SLC24A2: variants seen among roughly 807,000 people sequenced by gnomAD.
The protein encoded by SLC24A2 is sodium/potassium/calcium exchanger 2.
In SLC24A2, 36 loss-of-function variants were observed where a neutral mutation model predicts 62.0. The ratio of observed to expected loss-of-function variants is 0.58; its 90% CI spans 0.44 to 0.77. The LOEUF is 0.77. Ranked by LOEUF, SLC24A2 falls within the 30% of genes least tolerant of loss-of-function variation. SLC24A2 has a pLI of 0.00. For synonymous variants in SLC24A2, 358 were observed against 294.0 expected (o/e 1.22, Z -2.23); for missense variants, 846 against 817.9 (o/e 1.03, Z -0.42).
intron 1 of SLC24A2, among the ~76,000 whole-genome samples, chr9:19,787,588 A>G (rs1204247198): frequency 1.3e-5 from 2 of 152,178 alleles, no homozygotes; most frequent in Non-Finnish European, 2.9e-5. Context: ...ATGATATCAG[A>G]TCTTATTTTT....
chr9:20,222,513 A>G, the SLC24A2 span, among the ~76,000 whole-genome samples: 1 of 152,110 alleles, frequency 6.6e-6, no homozygotes, highest in East Asian at 1.9e-4. Flanking sequence ...AACTAATTTT[A>G]TATCAATGTT....
intron 2 of SLC24A2, among the ~76,000 whole-genome samples, chr9:19,726,413 T>C (rs1174488719): frequency 6.6e-6 from 1 of 152,218 alleles, no homozygotes; most frequent in Non-Finnish European, 1.5e-5. Context: ...TTTATGTTGA[T>C]TTTGTTTGTT....
At chr9:19,796,649 T>C in the SLC24A2 span, among the ~76,000 whole-genome samples, 2 of 152,256 alleles carry the variant, frequency 1.3e-5, no homozygotes, top group Non-Finnish European at 2.9e-5. Flanking sequence ...AAAATCTAGG[T>C]TAGAAATCAT....
the SLC24A2 span, among the ~76,000 whole-genome samples, chr9:19,872,050 T>C: frequency 5.9e-5 from 9 of 152,064 alleles, no homozygotes; most frequent in Non-Finnish European, 1.0e-4. Context: ...AGTAACTAGA[T>C]GGGGCCCAAA....
chr9:20,171,321 T>C, the SLC24A2 span, among the ~76,000 whole-genome samples: 3 of 151,550 alleles, frequency 2.0e-5, 1 homozygote, highest in Middle Eastern at 0.01. Flanking sequence ...AAACAAGGTA[T>C]ACAGGCAACA....
the SLC24A2 span, among the ~76,000 whole-genome samples, chr9:20,061,551 T>C: frequency 6.6e-6 from 1 of 152,262 alleles, no homozygotes; most frequent in African/African-American, 2.4e-5. Flanking sequence ...CCTCCCAAAG[T>C]GCTAGGATTA....
At chr9:19,580,513 G>T (rs181542404) in intron 5 of SLC24A2, among the ~76,000 whole-genome samples, 1 of 152,334 alleles carries the variant, frequency 6.6e-6, no homozygotes. Flanking sequence ...AGGACCTGGG[G>T]CAGAAGCCAG....
the SLC24A2 span, among the ~76,000 whole-genome samples, chr9:20,273,793 C>A: frequency 2.6e-5 from 4 of 152,154 alleles, no homozygotes; most frequent in South Asian, 8.3e-4. Context: ...ACCTTACCCC[C>A]ATCTGTTCAA....
chr9:20,092,855 T>C, the SLC24A2 span, among the ~76,000 whole-genome samples: 1 of 152,136 alleles, frequency 6.6e-6, no homozygotes, highest in Non-Finnish European at 1.5e-5. Context: ...ATCTTAAAAC[T>C]GAAAGCTGAA....
At chr9:19,970,281 G>A in the SLC24A2 span, among the ~76,000 whole-genome samples, 1 of 152,170 alleles carries the variant, frequency 6.6e-6, no homozygotes, top group African/African-American at 2.4e-5. Flanking sequence ...GTCACTAACT[G>A]GAGAGTTAAC....
At chr9:19,621,697 G>A (rs543772091) in intron 3 of SLC24A2, among the ~76,000 whole-genome samples, 7 of 152,198 alleles carry the variant, frequency 4.6e-5, no homozygotes, top group East Asian at 3.9e-4. Flanking sequence ...ATAATAACTC[G>A]TCATAACTAT....
chr9:19,888,640 ATTTTGGTACTGATC>A, the SLC24A2 span, among the ~76,000 whole-genome samples: 1 of 152,120 alleles, frequency 6.6e-6, no homozygotes, highest in South Asian at 2.1e-4. Context: ...ATTCCGAGAA[ATTTTGGTACTGATC>A]TTGGTTTTAC....
At chr9:19,547,685 T>C (rs1305394126) in intron 8 of SLC24A2, among the ~76,000 whole-genome samples, 2 of 151,428 alleles carry the variant, frequency 1.3e-5, no homozygotes, top group African/African-American at 2.5e-5. Flanking sequence ...TATGCAAACA[T>C]CCTCTCATCA....
At chr9:20,143,244 T>C in the SLC24A2 span, among the ~76,000 whole-genome samples, 153 of 152,274 alleles carry the variant, frequency 1.0e-3, no homozygotes, top group Non-Finnish European at 1.2e-3. Flanking sequence ...GATGAGCCTT[T>C]GCCAAGAGCA....
the SLC24A2 span, among the ~76,000 whole-genome samples, chr9:19,989,035 G>T: frequency 1.3e-5 from 2 of 152,114 alleles, no homozygotes; most frequent in African/African-American, 2.4e-5. Flanking sequence ...TACAAATTCT[G>T]TGGTTTGCTG....
the SLC24A2 span, among the ~76,000 whole-genome samples, chr9:19,906,034 G>C: frequency 6.6e-6 from 1 of 152,086 alleles, no homozygotes; most frequent in Admixed American, 6.6e-5. Context: ...ATTCTTTTCA[G>C]CACCACACCA....
At chr9:19,771,002 T>C (rs1399017161) in intron 2 of SLC24A2, among the ~76,000 whole-genome samples, 4 of 152,210 alleles carry the variant, frequency 2.6e-5, no homozygotes, top group Non-Finnish European at 5.9e-5. Flanking sequence ...GAAACTGGAC[T>C]GAGATGGTGG....
chr9:19,566,760 C>G (rs924346155), intron 7 of SLC24A2, among the ~76,000 whole-genome samples: 6 of 152,204 alleles, frequency 3.9e-5, no homozygotes, highest in Admixed American at 6.5e-5. Context: ...CACATATACA[C>G]CATGGAATAC....
intron 2 of SLC24A2, among the ~76,000 whole-genome samples, chr9:19,777,692 C>A (rs1822884925): frequency 6.6e-6 from 1 of 151,894 alleles, no homozygotes; most frequent in Non-Finnish European, 1.5e-5. Context: ...TATTTAAATA[C>A]ATAGGTGTGT....
Sources: allele counts gnomAD v4.1 joint callset (sites outside exome capture counted in the v4.1 genomes callset), GRCh38; gene constraint gnomAD v4.1.1; transcripts MANE v1.5; gene names NCBI Gene and HGNC (gene_info 2026-07-23, HGNC 2026-07-21).